ANXA8: variants seen among roughly 807,000 people sequenced by gnomAD.
ANXA8 encodes the protein VAC-beta.
In ANXA8, 9 loss-of-function variants were observed where a neutral mutation model predicts 26.8. The ratio of observed to expected loss-of-function variants is 0.34; its 90% confidence interval spans 0.20 to 0.59. ANXA8 has a LOEUF of 0.59. Ranked by LOEUF, ANXA8 falls within the 20% of genes least tolerant of loss-of-function variation. The pLI, the probability that ANXA8 is intolerant of heterozygous loss-of-function variation, is 0.84. For missense variants in ANXA8, 83 were observed against 238.5 expected (o/e 0.35, Z 4.29); for synonymous variants, 39 against 94.8 (o/e 0.41, Z 3.42).
the ANXA8 span, among the ~76,000 whole-genome samples, chr10:47,628,823 T>C: frequency 1.3e-5 from 2 of 149,038 alleles, no homozygotes; most frequent in African/African-American, 2.6e-5. Flanking sequence ...AAAGGAGACT[T>C]CTCAGATATA....
the ANXA8 span, among the ~76,000 whole-genome samples, chr10:47,948,958 G>GTTTT: frequency 3.5e-4 from 43 of 121,160 alleles, no homozygotes; most frequent in East Asian, 2.5e-3. Flanking sequence ...CTGGGAGGTG[G>GTTTT]TTTTTTTTTT....
At chr10:47,952,282 G>C in the ANXA8 span, among the ~76,000 whole-genome samples, 1 of 148,202 alleles carries the variant, frequency 6.7e-6, no homozygotes, top group Non-Finnish European at 1.5e-5. Context: ...GGTGCAATAA[G>C]GTAAGAGGAA....
the ANXA8 span, among the ~76,000 whole-genome samples, chr10:47,621,375 A>C: frequency 2.7e-5 from 3 of 111,738 alleles, no homozygotes; most frequent in Non-Finnish European, 5.9e-5. Flanking sequence ...TGTATCAACA[A>C]CACAACAAAA....
the ANXA8 span, among the ~76,000 whole-genome samples, chr10:47,659,826 T>C: frequency 6.6e-6 from 1 of 150,904 alleles, no homozygotes; most frequent in Non-Finnish European, 1.5e-5. Flanking sequence ...ATGTGATCTC[T>C]GCTCACTGCA....
the ANXA8 span, among the ~76,000 whole-genome samples, chr10:47,497,686 C>G: frequency 6.8e-6 from 1 of 146,492 alleles, no homozygotes; most frequent in Non-Finnish European, 1.5e-5. Flanking sequence ...ACCTGTAATC[C>G]CAGAACTTTG....
the ANXA8 span, among the ~76,000 whole-genome samples, chr10:47,944,357 C>T: frequency 8.0e-5 from 12 of 149,246 alleles, no homozygotes; most frequent in South Asian, 8.4e-4. Flanking sequence ...CATCCTCCCC[C>T]CGCATCATGC....
At chr10:47,548,948 G>C in the ANXA8 span, among the ~76,000 whole-genome samples, 1 of 152,296 alleles carries the variant, frequency 6.6e-6, no homozygotes, top group Non-Finnish European at 1.5e-5. Flanking sequence ...AGTTAGCACA[G>C]TGCCAGGAAG....
the ANXA8 span, among the ~76,000 whole-genome samples, chr10:47,594,050 G>C: frequency 6.8e-6 from 1 of 147,218 alleles, no homozygotes; most frequent in African/African-American, 2.7e-5. Context: ...TTTGCCAGGG[G>C]CTCTCAGGCC....
At chr10:47,572,544 C>A in the ANXA8 span, among the ~76,000 whole-genome samples, 1 of 151,058 alleles carries the variant, frequency 6.6e-6, no homozygotes, top group East Asian at 1.9e-4. Flanking sequence ...GGTGAAACCC[C>A]GTCTCCACTA....
At chr10:47,586,599 C>G in the ANXA8 span, among the ~76,000 whole-genome samples, 4 of 145,958 alleles carry the variant, frequency 2.7e-5, no homozygotes, top group African/African-American at 5.6e-5. Flanking sequence ...ACCTTGATGG[C>G]CTGCAGGCTC....
At chr10:47,696,606 T>G in the ANXA8 span, 1 of 1,001,766 alleles carries the variant, frequency 1.0e-6, no homozygotes, top group African/African-American at 1.7e-5. Context: ...TACAAAATGT[T>G]TTCTAAACAG....
the ANXA8 span, among the ~76,000 whole-genome samples, chr10:47,533,236 C>A: frequency 7.2e-6 from 1 of 138,992 alleles, no homozygotes; most frequent in Admixed American, 7.2e-5. Context: ...CCCGCAGACA[C>A]CCTAGTGGCC....
chr10:47,649,593 G>A, the ANXA8 span, among the ~76,000 whole-genome samples: 1 of 151,452 alleles, frequency 6.6e-6, no homozygotes, highest in South Asian at 2.1e-4. Context: ...ATTATTAGAA[G>A]AGATGGGGTT....
chr10:47,650,588 C>T, the ANXA8 span, among the ~76,000 whole-genome samples: 5 of 147,520 alleles, frequency 3.4e-5, no homozygotes, highest in Middle Eastern at 3.3e-3. Context: ...GGGCGGATCA[C>T]GAGGTCAGGA....
chr10:47,657,479 C>T, the ANXA8 span, among the ~76,000 whole-genome samples: 1 of 151,848 alleles, frequency 6.6e-6, no homozygotes, highest in South Asian at 2.1e-4. Flanking sequence ...GTCAGCTCCA[C>T]CTCTTTACTA....
the ANXA8 span, among the ~76,000 whole-genome samples, chr10:47,969,279 G>T: frequency 3.3e-5 from 5 of 151,374 alleles, 1 homozygote; most frequent in Non-Finnish European, 7.4e-5. Flanking sequence ...TCCAACTAAC[G>T]CAGGGTGTAT....
chr10:47,515,896 AG>A, the ANXA8 span, among the ~76,000 whole-genome samples: 1 of 112,536 alleles, frequency 8.9e-6, no homozygotes, highest in African/African-American at 3.4e-5. Flanking sequence ...CAAATAAAGC[AG>A]GCCAGGGACC....
chr10:47,687,386 T>C, the ANXA8 span, among the ~76,000 whole-genome samples: 3 of 151,478 alleles, frequency 2.0e-5, no homozygotes, highest in African/African-American at 7.3e-5. Flanking sequence ...TGCCTCAGCC[T>C]CCCTAGTAGC....
the ANXA8 span, among the ~76,000 whole-genome samples, chr10:47,501,448 C>G: frequency 5.9e-5 from 8 of 136,610 alleles, no homozygotes; most frequent in Admixed American, 3.0e-4. Context: ...GGTGGCTCAC[C>G]CCCATAATCC....
Sources: allele counts gnomAD v4.1 joint callset (sites outside exome capture counted in the v4.1 genomes callset), GRCh38; gene constraint gnomAD v4.1.1; transcripts MANE v1.5; gene names NCBI Gene and HGNC (gene_info 2026-07-23, HGNC 2026-07-21).